Variants in CCPG1 observed in about 807,000 individuals in gnomAD.
CCPG1 encodes cell cycle progression 1, also known as cell cycle progression protein 1.
A neutral mutation model predicts 81.3 loss-of-function variants in CCPG1; 46 were observed. The observed-to-expected ratio is 0.57, with a 90% CI of 0.45 to 0.72. The LOEUF (loss-of-function observed/expected upper bound fraction) is 0.72, where lower values mean the gene tolerates loss of function less well. Ranked by LOEUF, CCPG1 falls within the 30% of genes least tolerant of loss-of-function variation. The pLI is 0.00. For synonymous variants in CCPG1, 330 were observed against 305.2 expected (o/e 1.08, Z -0.85); for missense variants, 902 against 937.6 (o/e 0.96, Z 0.50).
At chr15:55,363,045 A>G (rs2056237251) in intron 7 of CCPG1, among the ~76,000 whole-genome samples, 1 of 151,722 alleles carries the variant, frequency 6.6e-6, no homozygotes, top group South Asian at 2.1e-4. Flanking sequence ...TGTCTCTTAA[A>G]AAACAAAAAC....
At chr15:55,388,605 AAAAT>A (rs2056851039) in intron 2 of CCPG1, among the ~76,000 whole-genome samples, 1 of 152,212 alleles carries the variant, frequency 6.6e-6, no homozygotes, top group South Asian at 2.1e-4. Flanking sequence ...TGAAATATTC[AAAAT>A]TATTTAAGAA....
chr15:55,374,029 A>C, intron 5 of CCPG1: 1 of 380,750 alleles, frequency 2.6e-6, no homozygotes, highest in Non-Finnish European at 4.7e-6. Flanking sequence ...CTCCTTTACA[A>C]GAGATTCTGA....
In CCPG1 at chr15:55,378,379, G is replaced by A; in HGVS notation, c.176-3C>T. The A allele has an allele frequency of 6.3e-7, 1 of 1,584,970 alleles. No homozygotes were observed. The highest frequency in any genetic ancestry group is 8.6e-7 in the Non-Finnish European group (1 of 1,156,844). Reference sequence around the variant, plus strand: ...CACTGTGCCATTTTGGCTGCTTTCTGATATAAAGCAAAGATCAATATAATT... The same window carrying A: ...CACTGTGCCATTTTGGCTGCTTTCTAATATAAAGCAAAGATCAATATAATT... On this transcript the variant is annotated splice_polypyrimidine_tract_variant and splice_region_variant and intron_variant, in intron 3 of 8. Coordinates refer to ENST00000442196, the MANE Select transcript of CCPG1 (RefSeq NM_001204450.2).
chr15:55,363,969 G>C, intron 7 of CCPG1, among the ~76,000 whole-genome samples: 1 of 149,658 alleles, frequency 6.7e-6, no homozygotes. Context: ...ACACCAGGCT[G>C]ATTTTTGTAT....
Position 55,355,674 on chromosome 15 carries a change from C to T in CCPG1, c.*546G>A, listed in dbSNP as rs1403007480. The T allele has an allele frequency of 1.6e-5, 5 of 316,714 alleles. No homozygotes were observed. In the East Asian group the frequency reaches 1.7e-4, roughly 11 times the overall value. The allele number at this position is 316,714 out of a possible 1,614,324, so 19.6% of individuals were successfully genotyped here. ...TGGTGTAGTTTTATTGTTTCTTCCA[C>T]GATATTCAGATGTGCAAAAAATTTC... On this transcript the variant is annotated 3_prime_UTR_variant, in exon 9 of 9. Transcript: ENST00000442196.
intron 1 of CCPG1, among the ~76,000 whole-genome samples, chr15:55,392,765 T>C (rs1328094539): frequency 6.6e-6 from 1 of 152,174 alleles, no homozygotes; most frequent in Admixed American, 6.5e-5. Flanking sequence ...GATCCACCTT[T>C]CTTGGCCTCT....
chr15:55,406,757 G>A (rs553354104), intron 1 of CCPG1, among the ~76,000 whole-genome samples: 2 of 152,026 alleles, frequency 1.3e-5, no homozygotes, highest in Admixed American at 1.3e-4. Flanking sequence ...TCTAAAAGAA[G>A]TTATGTTCAC....
At chr15:55,380,454 C>T (rs530598725) in intron 3 of CCPG1, among the ~76,000 whole-genome samples, 11 of 151,490 alleles carry the variant, frequency 7.3e-5, no homozygotes, top group Non-Finnish European at 1.6e-4. Context: ...CACCACCACG[C>T]CCGGCTAATT....
chr15:55,372,833 C>T (rs766005563), intron 5 of CCPG1: 14 of 419,744 alleles, frequency 3.3e-5, no homozygotes, highest in Non-Finnish European at 6.8e-5. Flanking sequence ...AAAATAACTA[C>T]CAAAAGTTTC....
At chr15:55,376,831 CTT>C (rs1253578427) in intron 5 of CCPG1, 116 bp downstream of exon 5, 10 of 710,824 alleles carry the variant, frequency 1.4e-5, no homozygotes, top group African/African-American at 1.2e-4. Flanking sequence ...ATAGTCTTGT[CTT>C]GAGTTTTACC....
intron 1 of CCPG1, among the ~76,000 whole-genome samples, chr15:55,395,738 T>C (rs1231388608): frequency 6.6e-6 from 1 of 152,164 alleles, no homozygotes; most frequent in Non-Finnish European, 1.5e-5. Context: ...CTGTAATTGC[T>C]TGTTTACCAG....
At position 55,360,254 on chromosome 15, in the gene CCPG1, G is replaced by A; in HGVS notation, c.1519C>T (p.His507Tyr). The change falls in exon 8 of 9, where the codon CAT (histidine) becomes TAT (tyrosine). Residue 507 changes from histidine (H) to tyrosine (Y), a missense_variant. His to Tyr is a moderately conservative substitution (Grantham distance 83). This residue lies in a region of CCPG1 where 746 missense variants were observed against 728.6 expected (regional missense o/e 1.02). Transcript: ENST00000442196. Reference sequence around the variant, plus strand: ...TTAGCCTGCTTAATTTTCTCTTTATGATGCCTTACAAACTCCTTGGTAGAA... The same window carrying A: ...TTAGCCTGCTTAATTTTCTCTTTATAATGCCTTACAAACTCCTTGGTAGAA... ...KNSTKEFVRH[H>Y]KEKIKQAKEA... 6.2e-7 allele frequency: 1 copy of A among 1,613,766 alleles called. No individual in the cohort carries two copies. Among genetic ancestry groups the A allele is most frequent in the Non-Finnish European group, 8.5e-7 (1 of 1,179,968 alleles).
chr15:55,360,420 C>T lies in CCPG1; in HGVS notation c.1353G>A (p.Leu451=), dbSNP rs2141242627. 1.9e-6 allele frequency: 3 copies of T among 1,613,834 alleles called. No individual in the cohort carries two copies. Among genetic ancestry groups the T allele is most frequent in the Non-Finnish European group, 2.5e-6 (3 of 1,180,016 alleles). The part of the protein sequence containing the change: ...EQQRSDLWER[L]YVEAKDQNGK... ...CATTTTGATCTTTTGCCTCAACATA[C>T]AATCTTTCCCACAAATCAGAACGCT... The change falls in exon 8 of 9, where the codon TTG becomes TTA. Residue 451 remains leucine (L), a synonymous_variant. Transcript: ENST00000442196.
chr15:55,364,374 A>T (rs1284316194), intron 7 of CCPG1, among the ~76,000 whole-genome samples: 1 of 150,710 alleles, frequency 6.6e-6, no homozygotes, highest in African/African-American at 2.4e-5. Context: ...AGAGGCTATA[A>T]AACCAAAACT....
intron 1 of CCPG1, among the ~76,000 whole-genome samples, chr15:55,389,956 G>A (rs951642843): frequency 2.0e-5 from 3 of 152,188 alleles, no homozygotes; most frequent in South Asian, 4.1e-4. Flanking sequence ...ACGGAGTCTC[G>A]AGCTGTCGAC....
At chr15:55,383,575 C>A (rs76510628) in intron 3 of CCPG1, among the ~76,000 whole-genome samples, 7,438 of 152,298 alleles carry the variant, frequency 0.049, 262 homozygotes, top group East Asian at 0.16. Flanking sequence ...GTTGTGTCAT[C>A]TATACTGAAA....
At chr15:55,376,920 C>CT in intron 5 of CCPG1, 29 bp downstream of exon 5, 1 of 1,534,976 alleles carries the variant, frequency 6.5e-7, no homozygotes, top group Non-Finnish European at 9.0e-7. Flanking sequence ...TCGTACATGT[C>CT]TTTAAGTCTC....
chr15:55,365,146 TA>T, intron 7 of CCPG1, 41 bp downstream of exon 7: 1 of 1,207,474 alleles, frequency 8.3e-7, no homozygotes, highest in Non-Finnish European at 1.2e-6. Flanking sequence ...ATAAGCAAAA[TA>T]ATTACTAACA....
chr15:55,372,722 A>AAT (rs1353584704), intron 5 of CCPG1: 2 of 262,142 alleles, frequency 7.6e-6, no homozygotes, highest in African/African-American at 4.6e-5. Context: ...AAAGAAAAAA[A>AAT]ATACTCTCTG....
Sources: allele counts gnomAD v4.1 joint callset (sites outside exome capture counted in the v4.1 genomes callset), GRCh38; gene constraint gnomAD v4.1.1; regional missense constraint gnomAD v4.1.1; transcripts MANE v1.5; gene names NCBI Gene and HGNC (gene_info 2026-07-23, HGNC 2026-07-21).